Variants in MACF1 observed in about 807,000 individuals in gnomAD.
MACF1 encodes the protein microtubule actin crosslinking factor 1, also known as microtubule-actin cross-linking factor 1.
A neutral mutation model predicts 854.8 loss-of-function variants in MACF1; 193 were observed. That is an observed-to-expected ratio of 0.23 (90% CI 0.20 to 0.25). MACF1 has a LOEUF of 0.25. Ranked by LOEUF, MACF1 falls within the 10% of genes least tolerant of loss-of-function variation. MACF1 has a pLI of 1.00. For missense variants in MACF1, 7,722 were observed against 8,929.1 expected, an observed-to-expected ratio of 0.86 and a Z score of 5.45; for synonymous variants, 3,185 against 3,226.7, an observed-to-expected ratio of 0.99 and a Z score of 0.44.
chr1:39,304,686 C>G (rs1646132148), intron 23 of MACF1: 1 of 427,596 alleles, frequency 2.3e-6, no homozygotes, highest in South Asian at 2.2e-5. Flanking sequence ...GCCTCAGCCT[C>G]CTGAGTAGCT....
intron 6 of MACF1, among the ~76,000 whole-genome samples, chr1:39,259,185 C>T (rs1645129062): frequency 6.6e-6 from 1 of 152,206 alleles, no homozygotes; most frequent in African/African-American, 2.4e-5. Flanking sequence ...CAAACCTGCC[C>T]TCACTGTGAG....
rs1053996160 is a variant in MACF1 at position 39,285,105 on chromosome 1, T to C, written c.1154T>C (p.Ile385Thr). 6.2e-7 allele frequency: 1 copy of C among 1,614,138 alleles called. No individual in the cohort carries two copies. The highest frequency in any genetic ancestry group is 1.1e-5 in the South Asian group (1 of 91,080). Residue 385 changes from isoleucine to threonine, a missense_variant, in exon 12 of 101, where the codon ATT becomes ACT. Ile to Thr is a moderately conservative substitution (Grantham distance 89). This residue lies in a region of MACF1 where 97 missense variants were observed against 130.4 expected (regional missense o/e 0.74). Coordinates refer to ENST00000564288, the MANE Select transcript of MACF1 (RefSeq NM_001394062.1). ...LLEVWIEFGR[I>T]KLPQGYHPND... ...CAGGTGTGGATTGAATTTGGCCGAA[T>C]TAAACTGCCTCAAGGTTATCACCCT...
chr1:39,164,548 A>T (rs1261813517), intron 2 of MACF1, among the ~76,000 whole-genome samples: 2 of 152,190 alleles, frequency 1.3e-5, no homozygotes, highest in Non-Finnish European at 2.9e-5. Context: ...TTTACTCTGA[A>T]GCTTTTCTCA....
At chr1:39,194,346 CTTTTCT>C (rs1364552414) in intron 2 of MACF1, among the ~76,000 whole-genome samples, 40 of 35,012 alleles carry the variant, frequency 1.1e-3, no homozygotes, top group African/African-American at 6.8e-3. Flanking sequence ...CTTTTCTTTT[CTTTTCT>C]TTTTTTTTTT....
At chr1:39,236,496 C>G (rs1421925968) in intron 2 of MACF1, among the ~76,000 whole-genome samples, 4 of 152,080 alleles carry the variant, frequency 2.6e-5, no homozygotes, top group Non-Finnish European at 5.9e-5. Flanking sequence ...TTCTTTGTGC[C>G]CCTGACTATA....
chr1:39,097,258 G>C (rs1406432809), intron 2 of MACF1, among the ~76,000 whole-genome samples: 1 of 152,062 alleles, frequency 6.6e-6, no homozygotes, highest in Admixed American at 6.6e-5. Context: ...CTGATCCTCT[G>C]GTCCTTCCAG....
intron 28 of MACF1, 138 bp from the exon 29 acceptor site, chr1:39,317,076 C>T (rs1646425601): frequency 2.3e-6 from 2 of 867,746 alleles, no homozygotes; most frequent in Non-Finnish European, 3.5e-6. Context: ...GGAGGCAGTC[C>T]TGGCACAAAC....
chr1:39,352,270 T>C (rs2148503470), intron 43 of MACF1, among the ~76,000 whole-genome samples: 1 of 152,334 alleles, frequency 6.6e-6, no homozygotes, highest in South Asian at 2.1e-4. Flanking sequence ...AGTTGAAGAA[T>C]TAAATGTTTC....
At chr1:39,219,456 G>A (rs989259558) in intron 1 of MACF1, among the ~76,000 whole-genome samples, 10 of 152,150 alleles carry the variant, frequency 6.6e-5, no homozygotes, top group Non-Finnish European at 1.3e-4. Context: ...AATGAGATAA[G>A]CCTCAAACAG....
rs887117391 is a variant in MACF1 at position 39,205,055 on chromosome 1, A to C, written c.33A>C (p.Pro11=). The change falls in exon 1 of 101, where the codon CCA becomes CCC. Residue 11 remains proline, a synonymous_variant. Transcript: ENST00000564288. MPLLDSSYLP[P]TIFILTHVLG... is the part of the protein sequence containing the mutation. ...TCTTAGATTCATCTTATTTACCACC[A>C]ACCATCTTTATTTTGACTCACGTTC... 1 of 702,882 alleles carries C rather than the reference A, an allele frequency of 1.4e-6. No homozygotes were observed. Among genetic ancestry groups the C allele is most frequent in the African/African-American group, 1.7e-5 (1 of 57,258 alleles). The allele number at this position is 702,882 out of a possible 1,614,324, so 43.5% of individuals were successfully genotyped here.
Position 39,379,382 on chromosome 1 carries a change from A to T in MACF1, c.13456A>T (p.Met4486Leu). 6.2e-7 allele frequency: 1 copy of T among 1,614,190 alleles called. No homozygotes were observed. The highest frequency in any genetic ancestry group is 8.5e-7 in the Non-Finnish European group (1 of 1,180,026). The change falls in exon 54 of 101, where the codon ATG becomes TTG. Residue 4486 changes from methionine (M) to leucine (L), a missense_variant. Met to Leu is a conservative substitution (Grantham distance 15). Around this residue, in one of 15 missense-constraint regions of MACF1, gnomAD observed 2,807 missense variants for 3,235.8 expected, o/e 0.87. Transcript: ENST00000564288. ...LESKEEVLKS[M>L]DAMSSPTKTE... Reference sequence around the variant, plus strand: ...ATCAAAAGAGGAAGTCCTGAAATCCATGGATGCCATGTCATCTCCAACCAA... The same window carrying T: ...ATCAAAAGAGGAAGTCCTGAAATCCTTGGATGCCATGTCATCTCCAACCAA...
Position 39,480,924 on chromosome 1 carries a change from C to A in MACF1, c.22175C>A (p.Ser7392Ter). Residue 7392 changes from serine to a stop codon, truncating the protein, a stop_gained, in exon 99 of 101, where the codon TCA becomes TAA. Transcript: ENST00000564288. LOFTEE classifies it high-confidence loss of function. ...CTTTGGATTTCCGTTTCACAGACTT[C>A]ACTTCAGTTCTCTCGCTGTTATGAC... ...PATPASGTKTSLQFSRCYDKP... is the reference protein window; with the variant it reads ...PATPASGTKT 6.5e-7 allele frequency: 1 copy of A among 1,536,604 alleles called. No individual in the cohort carries two copies.
intron 58 of MACF1, among the ~76,000 whole-genome samples, chr1:39,417,159 A>G (rs576752788): frequency 6.6e-6 from 1 of 152,304 alleles, no homozygotes; most frequent in East Asian, 1.9e-4. Flanking sequence ...ACATGGATAC[A>G]TGGTTAAAAT....
At chr1:39,144,942 CT>C (rs1643429810) in intron 2 of MACF1, among the ~76,000 whole-genome samples, 1 of 152,172 alleles carries the variant, frequency 6.6e-6, no homozygotes, top group Non-Finnish European at 1.5e-5. Context: ...CTGTTCTCTG[CT>C]GTTTCCCAGT....
Position 39,326,513 on chromosome 1 carries a change from T to C in MACF1, c.4479-705T>C, listed in dbSNP as rs1033394380. Among the ~76,000 whole-genome samples, 4 of 151,994 alleles carry C rather than the reference T, an allele frequency of 2.6e-5. No individual in the cohort carries two copies. In the South Asian group the frequency reaches 6.2e-4, roughly 24 times the overall value. ...CTGGCCAGCATGGTGAAACCCAGTTTGTACTAAAATTACAAAAATTAGCTG... is the reference window on the plus strand; with the variant it reads ...CTGGCCAGCATGGTGAAACCCAGTTCGTACTAAAATTACAAAAATTAGCTG... On this transcript the variant is annotated intron_variant, in intron 35 of 100. Coordinates refer to ENST00000564288, the MANE Select transcript of MACF1 (RefSeq NM_001394062.1).
intron 2 of MACF1, among the ~76,000 whole-genome samples, chr1:39,181,023 A>G (rs940174899): frequency 6.6e-6 from 1 of 152,140 alleles, no homozygotes; most frequent in Non-Finnish European, 1.5e-5. Context: ...CTTGTGCCAC[A>G]GCCTCCTGAG....
intron 1 of MACF1, among the ~76,000 whole-genome samples, chr1:39,223,051 C>T (rs1388124383): frequency 6.6e-6 from 1 of 152,100 alleles, no homozygotes; most frequent in African/African-American, 2.4e-5. Context: ...AATAAGCACA[C>T]AAACTAGTGT....
At chr1:39,466,855 C>A (rs973329241) in intron 95 of MACF1, among the ~76,000 whole-genome samples, 3 of 152,144 alleles carry the variant, frequency 2.0e-5, no homozygotes, top group African/African-American at 4.8e-5. Context: ...TGTGGGACTT[C>A]TTTTATTTTC....
In MACF1 at chr1:39,336,023, C is replaced by A. The variant is rs1248518108; in HGVS notation, c.9435C>A (p.Asn3145Lys). ...AAGGAACCACCAGACAGGAGACCAA[C>A]TATCAAGATTCCTGGGTTACTTCGA... ...SFQGTTRQET[N>K]YQDSWVTSKT... The change falls in exon 37 of 101, where the codon AAC becomes AAA. Residue 3145 changes from asparagine (N) to lysine (K), a missense_variant. This residue lies in a region of MACF1 where 854 missense variants were observed against 852.6 expected (regional missense o/e 1.00). Transcript: ENST00000564288. The A allele has an allele frequency of 3.7e-6, 6 of 1,614,118 alleles. No individual in the cohort carries two copies. The highest frequency in any genetic ancestry group is 5.1e-6 in the Non-Finnish European group (6 of 1,180,014).
Sources: allele counts gnomAD v4.1 joint callset (sites outside exome capture counted in the v4.1 genomes callset), GRCh38; gene constraint gnomAD v4.1.1; regional missense constraint gnomAD v4.1.1; transcripts MANE v1.5; gene names NCBI Gene and HGNC (gene_info 2026-07-23, HGNC 2026-07-21).